SLC22A24: variants seen among roughly 807,000 people sequenced by gnomAD.
SLC22A24 encodes the protein steroid transmembrane transporter SLC22A24.
SLC22A24 carries 53 observed loss-of-function variants against 49.8 expected under a neutral mutation model. The observed-to-expected ratio is 1.06, with a 90% CI of 0.85 to 1.34. SLC22A24 has a LOEUF of 1.34. SLC22A24 is among the 40% of genes most tolerant of loss of function. SLC22A24 has a pLI of 0.00. For missense variants in SLC22A24, 786 were observed against 675.9 expected, an observed-to-expected ratio of 1.16 and a Z score of -1.81; for synonymous variants, 302 against 256.4, an observed-to-expected ratio of 1.18 and a Z score of -1.70.
At chr11:63,116,345 A>G in intron 4 of SLC22A24, 1 of 200,744 alleles carries the variant, frequency 5.0e-6, no homozygotes, top group Non-Finnish European at 1.0e-5. Flanking sequence ...TTATGTCTGC[A>G]CCTTAAGCCG....
In SLC22A24 at chr11:63,119,210, A is replaced by T. The variant is rs1284521349; in HGVS notation, c.632T>A (p.Met211Lys). ...ILRFLAGFST[M>K]TILGNTFILS... ...AATAAAAGTGTTTCCCAAAATAGTC[A>T]TGGTGGAGAACCCTGCCAAGAAGCG... The change falls in exon 3 of 10, where the codon ATG becomes AAG. Residue 211 changes from methionine (M) to lysine (K), a missense_variant. Met to Lys is a moderately conservative substitution (Grantham distance 95, BLOSUM62 -1). Coordinates refer to ENST00000612278, the MANE Select transcript of SLC22A24 (RefSeq NM_001136506.2). 5.8e-6 allele frequency: 9 copies of T among 1,547,454 alleles called. No homozygotes were observed. In the East Asian group the frequency reaches 2.0e-4, roughly 34 times the overall value.
chr11:63,125,784 G>A (rs565496676), intron 2 of SLC22A24, among the ~76,000 whole-genome samples: 106 of 152,286 alleles, frequency 7.0e-4, no homozygotes, highest in African/African-American at 2.4e-3. Flanking sequence ...CAGTGTAAAA[G>A]TGTTCTTATT....
intron 2 of SLC22A24, among the ~76,000 whole-genome samples, chr11:63,120,658 GACCAAATTACATGAGTTGATA>G (rs1396710311): frequency 6.6e-6 from 1 of 151,942 alleles, no homozygotes; most frequent in African/African-American, 2.4e-5. Flanking sequence ...AGTTAACTTT[GACCAAATTACATGAGTTGATA>G]CTAAATTCTC....
rs559615034 is a variant in SLC22A24 at position 63,083,256 on chromosome 11, G to T, written c.1272C>A (p.Thr424=). The T allele has an allele frequency of 4.5e-6, 7 of 1,555,430 alleles. No individual in the cohort carries two copies. Among genetic ancestry groups the T allele is most frequent in the African/African-American group, 1.4e-5 (1 of 73,478 alleles). ...FPVGLFILVN[T]FLPQEMQILR... is the part of the protein sequence containing the mutation. The stretch of plus-strand genomic sequence containing the variant: ...TGTCTCTCTCACCTTGGGGCAAAAA[G>T]GTGTTGACCAGAATGAAAAGTCCCA... Residue 424 remains threonine, a synonymous_variant, in exon 7 of 10, where the codon ACC becomes ACA. Transcript: ENST00000612278.
At chr11:63,082,315 TG>T (rs1176859338) in intron 7 of SLC22A24, among the ~76,000 whole-genome samples, 1 of 152,188 alleles carries the variant, frequency 6.6e-6, no homozygotes, top group Non-Finnish European at 1.5e-5. Flanking sequence ...AATATCACAC[TG>T]GGAACCATTG....
chr11:63,113,203 C>CACATATATATACAT lies in SLC22A24; in HGVS notation c.830+5708_830+5709insATGTATATATATGT, dbSNP rs1555048930. ...ATATATATATACACATATATATATA[C>CACATATATATACAT]ATATATATACACATATATATATATA... On this transcript the variant is annotated intron_variant, in intron 4 of 9. Coordinates refer to ENST00000612278, the MANE Select transcript of SLC22A24 (RefSeq NM_001136506.2). Among the ~76,000 whole-genome samples the CACATATATATACAT allele has an allele frequency of 2.4e-3, 9 of 3,744 alleles. 1 individual carries two copies. Among genetic ancestry groups the CACATATATATACAT allele is most frequent in the African/African-American group, 5.1e-3 (9 of 1,782 alleles). 2.5% of individuals were successfully genotyped at this position (3,744 alleles called of 152,430 possible).
chr11:63,098,817 A>G (rs944060133), intron 5 of SLC22A24, among the ~76,000 whole-genome samples: 4 of 152,178 alleles, frequency 2.6e-5, no homozygotes. Flanking sequence ...AGAGAAAACA[A>G]TACAAAAAAT....
intron 6 of SLC22A24, among the ~76,000 whole-genome samples, chr11:63,092,912 C>T (rs2087029738): frequency 6.6e-6 from 1 of 152,010 alleles, no homozygotes; most frequent in Non-Finnish European, 1.5e-5. Flanking sequence ...AGGCAACCTA[C>T]AGAATGGGAG....
At chr11:63,107,703 T>C (rs2087131086) in intron 4 of SLC22A24, among the ~76,000 whole-genome samples, 1 of 152,174 alleles carries the variant, frequency 6.6e-6, no homozygotes, top group Non-Finnish European at 1.5e-5. Flanking sequence ...CAATTGTGAA[T>C]GGGAGTTCAC....
chr11:63,125,628 G>A (rs1232435023), intron 2 of SLC22A24, among the ~76,000 whole-genome samples: 1 of 152,166 alleles, frequency 6.6e-6, no homozygotes, highest in Non-Finnish European at 1.5e-5. Flanking sequence ...ACGTGTGGAT[G>A]TGTCTTTATA....
At chr11:63,110,084 G>T (rs1246981475) in intron 4 of SLC22A24, among the ~76,000 whole-genome samples, 3 of 151,824 alleles carry the variant, frequency 2.0e-5, no homozygotes, top group Admixed American at 2.0e-4. Flanking sequence ...AGTTTTCCCA[G>T]CACCATTTAT....
chr11:63,136,536 C>T (rs2087376244), intron 1 of SLC22A24, among the ~76,000 whole-genome samples: 1 of 152,204 alleles, frequency 6.6e-6, no homozygotes, highest in Admixed American at 6.5e-5. Context: ...CAACTGACTC[C>T]CACTTCTTCA....
At chr11:63,126,149 A>G (rs2087289051) in intron 2 of SLC22A24, among the ~76,000 whole-genome samples, 1 of 152,040 alleles carries the variant, frequency 6.6e-6, no homozygotes. Context: ...GCTGTGCAGA[A>G]GCTCTTTAGT....
At chr11:63,090,206 T>C (rs1170538589) in intron 6 of SLC22A24, among the ~76,000 whole-genome samples, 1 of 150,314 alleles carries the variant, frequency 6.7e-6, no homozygotes, top group Non-Finnish European at 1.5e-5. Flanking sequence ...CCCAGATTCA[T>C]AAAACAAGTT....
At chr11:63,094,828 G>C (rs2134643897) in intron 6 of SLC22A24, among the ~76,000 whole-genome samples, 1 of 152,238 alleles carries the variant, frequency 6.6e-6, no homozygotes, top group African/African-American at 2.4e-5. Flanking sequence ...TAATGGGGTT[G>C]TTTGTTTTTT....
chr11:63,134,896 G>T, intron 1 of SLC22A24, 128 bp from the exon 2 acceptor site: 1 of 578,392 alleles, frequency 1.7e-6, no homozygotes. Context: ...TCCCTCTCCA[G>T]CTTCATCTGC....
intron 4 of SLC22A24, among the ~76,000 whole-genome samples, chr11:63,113,195 T>TATATAC: frequency 1.7e-4 from 1 of 5,862 alleles, no homozygotes; most frequent in African/African-American, 3.2e-4. Flanking sequence ...TATACACATA[T>TATATAC]ATATATACAT....
At chr11:63,114,501 A>G (rs779992714) in intron 4 of SLC22A24, among the ~76,000 whole-genome samples, 3 of 152,190 alleles carry the variant, frequency 2.0e-5, no homozygotes, top group Non-Finnish European at 4.4e-5. Context: ...GTGTTAGAAT[A>G]TGCTCCTTTA....
rs1447966659 is a variant in SLC22A24 at position 63,144,030 on chromosome 11, G to C, written c.-251C>G. 2 of 329,092 alleles carry C rather than the reference G, an allele frequency of 6.1e-6. No individual in the cohort carries two copies. The highest frequency in any genetic ancestry group is 1.1e-5 in the Non-Finnish European group (2 of 181,874). 20.4% of individuals were successfully genotyped at this position (329,092 alleles called of 1,614,324 possible). On this transcript the variant is annotated 5_prime_UTR_variant, in exon 1 of 10. Coordinates refer to ENST00000612278, the MANE Select transcript of SLC22A24 (RefSeq NM_001136506.2). ...GTCACAGATATAATTATTTGGCAAA[G>C]AGACTGCTAGCTGTTGACAACTGAA...
Sources: allele counts gnomAD v4.1 joint callset (sites outside exome capture counted in the v4.1 genomes callset), GRCh38; gene constraint gnomAD v4.1.1; transcripts MANE v1.5; gene names NCBI Gene and HGNC (gene_info 2026-07-23, HGNC 2026-07-21).